C1orf167: variants seen among roughly 807,000 people sequenced by gnomAD.
C1orf167 encodes uncharacterized protein C1orf167.
In C1orf167, 153 loss-of-function variants were observed where a neutral mutation model predicts 176.5. That is an observed-to-expected ratio of 0.87 (90% CI 0.76 to 0.99). The LOEUF (loss-of-function observed/expected upper bound fraction) is 0.99. Ranked by LOEUF, C1orf167 falls within the 50% of genes least tolerant of loss-of-function variation. The pLI, the probability that C1orf167 is intolerant of heterozygous loss-of-function variation, is 0.00. For missense variants in C1orf167, 1,490 were observed against 1,817.7 expected (o/e 0.82, Z 3.28); for synonymous variants, 594 against 752.7 (o/e 0.79, Z 3.45).
In C1orf167 at chr1:11,769,845, G is replaced by A. The variant is rs186086764; in HGVS notation, c.1697+718G>A. Reference sequence around the variant, plus strand: ...CACCACCATGCCCGGCTAATTTTTTGTATTTTTAGTAGAGACGGGGTTTCA... The same window carrying A: ...CACCACCATGCCCGGCTAATTTTTTATATTTTTAGTAGAGACGGGGTTTCA... On this transcript the variant is annotated intron_variant, in intron 6 of 20. Coordinates refer to ENST00000688073, the MANE Select transcript of C1orf167 (RefSeq NM_001010881.2). 2.0e-3 allele frequency among the ~76,000 whole-genome samples: 307 copies of A among 151,974 alleles called. 1 individual carries two copies. The highest frequency in any genetic ancestry group is 7.2e-3 in the African/African-American group (298 of 41,460).
In C1orf167 at chr1:11,776,466, C is replaced by T. The variant is rs908666146; in HGVS notation, c.2167C>T (p.Arg723Cys). 9.2e-6 allele frequency: 12 copies of T among 1,301,456 alleles called. No homozygotes were observed. The highest frequency in any genetic ancestry group is 1.5e-5 in the African/African-American group (1 of 65,808). 80.6% of individuals were successfully genotyped at this position (1,301,456 alleles called of 1,614,324 possible). The change falls in exon 10 of 21, where the codon CGT (arginine) becomes TGT (cysteine). Residue 723 changes from arginine to cysteine, a missense_variant and splice_region_variant. Coordinates refer to ENST00000688073, the MANE Select transcript of C1orf167 (RefSeq NM_001010881.2). ...CTGGACTCTTGACGGTTTCTCAGGA[C>T]GTGAGGCTGTCTACACCGCAGGCCC... ...QLSLCRQKAG[R>C]EAVYTAGPGA...
In C1orf167 at chr1:11,766,722, G is replaced by A. The variant is rs1008836280; in HGVS notation, c.936G>A (p.Pro312=). ...HRETAAFLET[P]ASLSDSWAQS... ...AAACTGCGGCTTTCTTGGAGACCCC[G>A]GCTAGTCTCTCAGACTCTTGGGCAC... The change falls in exon 3 of 21, where the codon CCG becomes CCA. Residue 312 remains proline (P), a synonymous_variant. Transcript: ENST00000688073. The surrounding 1 kb of genome is among the most constrained non-coding windows in gnomAD (Gnocchi z 4.5). The A allele has an allele frequency of 2.2e-5, 28 of 1,289,576 alleles. No homozygotes were observed. The highest frequency in any genetic ancestry group is 4.6e-5 in the African/African-American group (3 of 65,780). 79.9% of individuals were successfully genotyped at this position (1,289,576 alleles called of 1,614,324 possible).
At chr1:11,782,082 C>G in intron 13 of C1orf167, 107 bp from the exon 14 acceptor site, 1 of 1,032,710 alleles carries the variant, frequency 9.7e-7, no homozygotes, top group Non-Finnish European at 1.2e-6. Context: ...TCAGGGTGGC[C>G]TCCTCTGTTC....
At chr1:11,783,882 A>C (rs548709862) in intron 14 of C1orf167, among the ~76,000 whole-genome samples, 8 of 151,770 alleles carry the variant, frequency 5.3e-5, no homozygotes, top group African/African-American at 1.5e-4. Context: ...TTTGAGATGG[A>C]GTTTCACTCT....
At chr1:11,782,049 T>C (rs1570426192) in intron 13 of C1orf167, 140 bp from the exon 14 acceptor site, 3 of 673,854 alleles carry the variant, frequency 4.5e-6, no homozygotes. Flanking sequence ...ACACCCATAA[T>C]AGAGGCTTTT....
Position 11,769,122 on chromosome 1 carries a change from C to G in C1orf167, c.1692C>G (p.His564Gln), listed in dbSNP as rs938387102. The change falls in exon 6 of 21, where the codon CAC (histidine) becomes CAG (glutamine). Residue 564 changes from histidine to glutamine, a missense_variant. Coordinates refer to ENST00000688073, the MANE Select transcript of C1orf167 (RefSeq NM_001010881.2). ...CCGCCCAGAGAAGCAGGCTGGAACACACCAGGTTGGTCAGTGTTGCCTGGG... is the reference window on the plus strand; with the variant it reads ...CCGCCCAGAGAAGCAGGCTGGAACAGACCAGGTTGGTCAGTGTTGCCTGGG... Reference protein sequence around the residue: ...VDPAQRSRLEHTSPGSLREEE... With the variant: ...VDPAQRSRLEQTSPGSLREEE... 1.0e-6 allele frequency: 1 copy of G among 985,806 alleles called. No homozygotes were observed. Among genetic ancestry groups the G allele is most frequent in the African/African-American group, 1.7e-5 (1 of 57,248 alleles). 61.1% of individuals were successfully genotyped at this position (985,806 alleles called of 1,614,324 possible).
chr1:11,778,631 GGT>G (rs1473905672), intron 10 of C1orf167, 27 bp from the exon 11 acceptor site: 1 of 1,274,924 alleles, frequency 7.8e-7, no homozygotes, highest in Non-Finnish European at 1.0e-6. Context: ...GGTGAGGCTG[GGT>G]GGGTCACTCA....
At position 11,789,501 on chromosome 1, in the gene C1orf167, C is replaced by T; in HGVS notation, c.*55C>T. On this transcript the variant is annotated 3_prime_UTR_variant, in exon 21 of 21. Transcript: ENST00000688073. ...GAACTTAGCCTTCCCAGGGAAGGAA[C>T]CATGCCCCACACATCCAGGGAGTGA... The T allele has an allele frequency of 1.6e-6, 2 of 1,271,718 alleles. No individual in the cohort carries two copies. The highest frequency in any genetic ancestry group is 1.0e-6 in the Non-Finnish European group (1 of 967,234). 78.8% of individuals were successfully genotyped at this position (1,271,718 alleles called of 1,614,324 possible). A position where few individuals can be genotyped will look rare whatever the true frequency, so the allele number is the denominator to read the frequency against.
Position 11,788,643 on chromosome 1 carries a change from T to C in C1orf167, c.4079-9T>C. Reference sequence around the variant, plus strand: ...CACAAGAGGCCTTCTCTGCCAACTGTCCCCAAAGCTCAGGGAGTGGCACCT... The same window carrying C: ...CACAAGAGGCCTTCTCTGCCAACTGCCCCCAAAGCTCAGGGAGTGGCACCT... On this transcript the variant is annotated splice_polypyrimidine_tract_variant and intron_variant, in intron 19 of 20. Coordinates refer to ENST00000688073, the MANE Select transcript of C1orf167 (RefSeq NM_001010881.2). 7.7e-7 allele frequency: 1 copy of C among 1,304,066 alleles called. No homozygotes were observed. Among genetic ancestry groups the C allele is most frequent in the Non-Finnish European group, 1.0e-6 (1 of 988,856 alleles). The allele number at this position is 1,304,066 out of a possible 1,614,324, so 80.8% of individuals were successfully genotyped here.
At position 11,765,874 on chromosome 1, in the gene C1orf167, A is replaced by G. The variant is rs1376565081; in HGVS notation, c.88A>G (p.Arg30Gly). 3 of 1,194,298 alleles carry G rather than the reference A, an allele frequency of 2.5e-6. No homozygotes were observed. Among genetic ancestry groups the G allele is most frequent in the South Asian group, 1.5e-5 (1 of 65,380 alleles). 74.0% of individuals were successfully genotyped at this position (1,194,298 alleles called of 1,614,324 possible). A position where few individuals can be genotyped will look rare whatever the true frequency, so the allele number is the denominator to read the frequency against. Residue 30 changes from arginine to glycine, a missense_variant, in exon 3 of 21, where the codon AGG becomes GGG. Coordinates refer to ENST00000688073, the MANE Select transcript of C1orf167 (RefSeq NM_001010881.2). ...CTCTTTAGAGCAACGAAGATTCCGG[A>G]GGAGCCTGGGCATCGGCCTGAGTGG... ...LPKPEQRRFR[R>G]SLGIGLSGRH... is the part of the protein sequence containing the mutation.
rs1023170004 is a variant in C1orf167, at chr1:11,778,767, C to T, written c.2447C>T (p.Ser816Leu). The T allele has an allele frequency of 1.3e-5, 17 of 1,302,988 alleles. No homozygotes were observed. The highest frequency in any genetic ancestry group is 2.1e-4 in the Middle Eastern group (1 of 4,714). The allele number at this position is 1,302,988 out of a possible 1,614,324, so 80.7% of individuals were successfully genotyped here. Residue 816 changes from serine (S) to leucine (L), a missense_variant, in exon 11 of 21, where the codon TCG (serine) becomes TTG (leucine). Physicochemically the swap from Ser to Leu is moderately radical, Grantham distance 145. Transcript: ENST00000688073. ...DATSSCTKTP[S>L]ALEPLSSSTL... ...ACATCAAGCTGCACCAAGACCCCCT[C>T]GGCTCTGGAGCCACTGAGCAGCAGC...
chr1:11,782,956 C>T (rs906501400), intron 14 of C1orf167, among the ~76,000 whole-genome samples: 1 of 151,038 alleles, frequency 6.6e-6, no homozygotes, highest in Admixed American at 6.6e-5. Flanking sequence ...ATCCACTCCT[C>T]GGAAATCTAC....
chr1:11,773,336 G>T (rs576791103), intron 8 of C1orf167, among the ~76,000 whole-genome samples: 1 of 152,208 alleles, frequency 6.6e-6, no homozygotes, highest in African/African-American at 2.4e-5. Flanking sequence ...AAATTATTTT[G>T]AGGCAAATCC....
chr1:11,765,083 C>T (rs1201224244), intron 2 of C1orf167, among the ~76,000 whole-genome samples: 1 of 126,132 alleles, frequency 7.9e-6, no homozygotes, highest in Non-Finnish European at 1.7e-5. Flanking sequence ...AAAAAGAAAG[C>T]CACAGAGCTG....
chr1:11,771,856 T>C (rs1452593548), intron 7 of C1orf167, among the ~76,000 whole-genome samples: 1 of 151,984 alleles, frequency 6.6e-6, no homozygotes, highest in East Asian at 1.9e-4. Flanking sequence ...ATAAGTTAAG[T>C]GACTTGTTTG....
At position 11,768,256 on chromosome 1, in the gene C1orf167, T is replaced by G; in HGVS notation, c.1523T>G (p.Leu508Arg). Residue 508 changes from leucine (L) to arginine (R), a missense_variant, in exon 5 of 21, where the codon CTG becomes CGG. Physicochemically the swap from Leu to Arg is moderately radical, Grantham distance 102. Coordinates refer to ENST00000688073, the MANE Select transcript of C1orf167 (RefSeq NM_001010881.2). This position sits in a 1 kb window ranked among gnomAD's most constrained non-coding sequence, Gnocchi z 4.5. ...AAWGQYTKVL[L>R]VRSFREWRNL... ...TGGGGGCAGTACACAAAGGTTCTGC[T>G]GGTCCGGAGCTTCCGAGAGGTCAGC... The G allele has an allele frequency of 7.8e-7, 1 of 1,289,932 alleles. No homozygotes were observed. The highest frequency in any genetic ancestry group is 1.0e-6 in the Non-Finnish European group (1 of 988,814). 79.9% of individuals were successfully genotyped at this position (1,289,932 alleles called of 1,614,324 possible).
chr1:11,784,404 C>T lies in C1orf167; in HGVS notation c.3236C>T (p.Ala1079Val). 1 of 1,303,890 alleles carries T rather than the reference C, an allele frequency of 7.7e-7. No homozygotes were observed. The allele number at this position is 1,303,890 out of a possible 1,614,324, so 80.8% of individuals were successfully genotyped here. A position where few individuals can be genotyped will look rare whatever the true frequency, so the allele number is the denominator to read the frequency against. Residue 1079 changes from alanine to valine, a missense_variant, in exon 15 of 21, where the codon GCC becomes GTC. Physicochemically the swap from Ala to Val is moderately conservative, Grantham distance 64. Coordinates refer to ENST00000688073, the MANE Select transcript of C1orf167 (RefSeq NM_001010881.2). ...QGQEDGQQKKARAPQAFPAWP... is the reference protein window; with the variant it reads ...QGQEDGQQKKVRAPQAFPAWP... ...CAGGAAGATGGGCAGCAGAAGAAGG[C>T]CCGGGCCCCACAGGCCTTCCCAGCA...
Position 11,787,889 on chromosome 1 carries a change from C to T in C1orf167, c.3690C>T (p.Ser1230=). 8.1e-7 allele frequency: 1 copy of T among 1,236,970 alleles called. No individual in the cohort carries two copies. Among genetic ancestry groups the T allele is most frequent in the Non-Finnish European group, 1.0e-6 (1 of 956,088 alleles). The allele number at this position is 1,236,970 out of a possible 1,614,324, so 76.6% of individuals were successfully genotyped here. A position where few individuals can be genotyped will look rare whatever the true frequency, so the allele number is the denominator to read the frequency against. Residue 1230 remains serine, a synonymous_variant, in exon 18 of 21, where the codon TCC becomes TCT. Coordinates refer to ENST00000688073, the MANE Select transcript of C1orf167 (RefSeq NM_001010881.2). ...TAWAQRCREH[S]LCPAFQLWPQ... is the part of the protein sequence containing the mutation. ...CCTTTCCAGGGTGCAGGGAACATTC[C>T]CTCTGCCCTGCCTTCCAGCTCTGGC...
chr1:11,775,154 T>C (rs946059595), intron 8 of C1orf167, among the ~76,000 whole-genome samples: 2 of 152,018 alleles, frequency 1.3e-5, no homozygotes, highest in Non-Finnish European at 2.9e-5. Context: ...CCGGGCATGG[T>C]GGTGCATGCT....
Sources: gnomAD v4.1 joint callset for allele counts (sites outside exome capture counted in the v4.1 genomes callset) on GRCh38, gnomAD v4.1.1 for gene constraint, Gnocchi (gnomAD v3.1) non-coding constraint, MANE v1.5 for transcripts, NCBI Gene and HGNC (gene_info 2026-07-23, HGNC 2026-07-21) for gene names.